The following EHBP1 variants were observed in gnomAD, a reference collection of about 807,000 sequenced individuals.
EHBP1 encodes EH domain binding protein 1.
Under a neutral mutation model 144.0 loss-of-function variants are expected in EHBP1, and 55 were observed. That is an observed-to-expected ratio of 0.38 (90% CI 0.31 to 0.48). The LOEUF is 0.48. EHBP1 is among the 20% of genes least tolerant of loss of function. The pLI is 0.98. For synonymous variants in EHBP1, 469 were observed against 472.7 expected, an observed-to-expected ratio of 0.99 and a Z score of 0.10; for missense variants, 1,200 against 1,364.2, an observed-to-expected ratio of 0.88 and a Z score of 1.90.
chr2:62,713,001 C>T (rs2035302906), intron 2 of EHBP1, among the ~76,000 whole-genome samples: 1 of 151,970 alleles, frequency 6.6e-6, no homozygotes, highest in South Asian at 2.1e-4. Context: ...AGTAGAATTT[C>T]TTGCTGTGTT....
intron 2 of EHBP1, among the ~76,000 whole-genome samples, chr2:62,747,105 T>C (rs2039233288): frequency 6.6e-6 from 1 of 152,076 alleles, no homozygotes; most frequent in African/African-American, 2.4e-5. Flanking sequence ...GATATGTGTG[T>C]GCTTTTTTTC....
At chr2:62,924,990 G>A (rs1427062926) in intron 10 of EHBP1, among the ~76,000 whole-genome samples, 1 of 152,050 alleles carries the variant, frequency 6.6e-6, no homozygotes, top group Non-Finnish European at 1.5e-5. Context: ...GTGCATCAAC[G>A]ATGGCAATAG....
At chr2:63,022,604 C>T (rs1454600014) in intron 19 of EHBP1, among the ~76,000 whole-genome samples, 4 of 151,838 alleles carry the variant, frequency 2.6e-5, no homozygotes, top group Non-Finnish European at 4.4e-5. Flanking sequence ...CATGAGCCAC[C>T]GCACCTGGCC....
intron 2 of EHBP1, among the ~76,000 whole-genome samples, chr2:62,725,597 A>C (rs1212952491): frequency 6.6e-6 from 1 of 152,144 alleles, no homozygotes; most frequent in Admixed American, 6.5e-5. Flanking sequence ...CAGTGTTGGT[A>C]CAAAGGCAGG....
intron 1 of EHBP1, among the ~76,000 whole-genome samples, chr2:62,689,207 C>A (rs2033820822): frequency 6.6e-6 from 1 of 152,284 alleles, no homozygotes; most frequent in South Asian, 2.1e-4. Context: ...AACTTCAGTG[C>A]CTCCTCAGTG....
intron 5 of EHBP1, among the ~76,000 whole-genome samples, chr2:62,794,405 C>T (rs2043390969): frequency 6.6e-6 from 1 of 151,986 alleles, no homozygotes; most frequent in Non-Finnish European, 1.5e-5. Flanking sequence ...ATAGAATAGA[C>T]AGCATTTTAC....
chr2:62,764,944 T>C, intron 4 of EHBP1, among the ~76,000 whole-genome samples: 1 of 152,136 alleles, frequency 6.6e-6, no homozygotes, highest in East Asian at 1.9e-4. Flanking sequence ...TTCTTTAGCC[T>C]GCTTTTGAGA....
chr2:62,953,217 CAAAAAAA>C (rs35848429), intron 13 of EHBP1, among the ~76,000 whole-genome samples: 1 of 64,494 alleles, frequency 1.6e-5, no homozygotes, highest in Non-Finnish European at 2.7e-5. Flanking sequence ...AAGTCCGTCT[CAAAAAAA>C]AAAAAAAAAA....
intron 7 of EHBP1, among the ~76,000 whole-genome samples, chr2:62,846,155 A>C (rs892746327): frequency 6.6e-6 from 1 of 152,122 alleles, no homozygotes; most frequent in Non-Finnish European, 1.5e-5. Flanking sequence ...CTTTATTTGT[A>C]CTTATGACAC....
At chr2:62,975,887 TACACACAC>T (rs57375651) in intron 14 of EHBP1, among the ~76,000 whole-genome samples, 2,174 of 123,712 alleles carry the variant, frequency 0.018, 24 homozygotes, top group Middle Eastern at 0.06. Context: ...TTACTGTATG[TACACACAC>T]ACACACACAC....
At chr2:62,741,428 T>C (rs1242710580) in intron 2 of EHBP1, among the ~76,000 whole-genome samples, 2 of 152,200 alleles carry the variant, frequency 1.3e-5, no homozygotes. Context: ...GGTGGTAATA[T>C]TAGCTACTTC....
At position 62,996,024 on chromosome 2, in the gene EHBP1, C is replaced by G. The variant is rs140355196; in HGVS notation, c.2980-619C>G. On this transcript the variant is annotated intron_variant, in intron 18 of 22. Coordinates refer to ENST00000431489, the MANE Select transcript of EHBP1 (RefSeq NM_001142616.3). ...TTAGTATTTACAACTGTAATAATTA[C>G]TAATACATCAACAGAATGGCATATT... Among the ~76,000 whole-genome samples the G allele has an allele frequency of 2.6e-3, 392 of 152,110 alleles. 3 individuals carry two copies. The highest frequency in any genetic ancestry group is 8.8e-3 in the African/African-American group (366 of 41,534).
At chr2:62,753,674 C>T (rs11125945) in intron 3 of EHBP1, among the ~76,000 whole-genome samples, 190 of 152,224 alleles carry the variant, frequency 1.2e-3, no homozygotes, top group Middle Eastern at 0.01. Flanking sequence ...CACATAGTCC[C>T]GTATTTGTTG....
chr2:62,731,114 GTATATATT>G (rs2037554777), intron 2 of EHBP1, among the ~76,000 whole-genome samples: 1 of 151,378 alleles, frequency 6.6e-6, no homozygotes, highest in Non-Finnish European at 1.5e-5. Flanking sequence ...CATAGATCTT[GTATATATT>G]TATTGGATTT....
At chr2:63,021,693 C>T (rs1356986792) in intron 19 of EHBP1, among the ~76,000 whole-genome samples, 3 of 152,156 alleles carry the variant, frequency 2.0e-5, no homozygotes, top group East Asian at 1.9e-4. Flanking sequence ...CCCTGAGTCC[C>T]GAACCAAAAT....
At chr2:63,023,010 C>T (rs1221840412) in intron 19 of EHBP1, among the ~76,000 whole-genome samples, 2 of 152,084 alleles carry the variant, frequency 1.3e-5, no homozygotes, top group Non-Finnish European at 2.9e-5. Context: ...CCTATCTCTA[C>T]TAAATATTCA....
At chr2:62,962,467 G>A (rs189294521) in intron 14 of EHBP1, among the ~76,000 whole-genome samples, 168 of 152,230 alleles carry the variant, frequency 1.1e-3, no homozygotes, top group African/African-American at 3.3e-3. Flanking sequence ...TACTTGTATA[G>A]GTATCTGAAA....
rs2061951042 is a variant in EHBP1, at chr2:63,046,259, A to G, written c.*759A>G. Reference sequence around the variant, plus strand: ...TCTCTGGATAATTATTTCTTACATCATGCTTGATTCCTACATTTTGTTGGG... The same window carrying G: ...TCTCTGGATAATTATTTCTTACATCGTGCTTGATTCCTACATTTTGTTGGG... On this transcript the variant is annotated 3_prime_UTR_variant, in exon 23 of 23. Transcript: ENST00000431489. The G allele has an allele frequency of 6.6e-6, 1 of 152,642 alleles. No individual in the cohort carries two copies. Among genetic ancestry groups the G allele is most frequent in the Admixed American group, 6.5e-5 (1 of 15,284 alleles). The allele number at this position is 152,642 out of a possible 1,614,324, so 9.5% of individuals were successfully genotyped here.
chr2:63,017,489 A>G (rs1052686741), intron 19 of EHBP1, among the ~76,000 whole-genome samples: 3 of 152,230 alleles, frequency 2.0e-5, no homozygotes. Context: ...GTGAGAATTA[A>G]ATTAGATACT....
Sources: allele counts gnomAD v4.1 joint callset (sites outside exome capture counted in the v4.1 genomes callset), GRCh38; gene constraint gnomAD v4.1.1; transcripts MANE v1.5; gene names NCBI Gene and HGNC (gene_info 2026-07-23, HGNC 2026-07-21).